JADE1: variants seen among roughly 807,000 people sequenced by gnomAD.
The protein encoded by JADE1 is jade family PHD finger 1.
Under a neutral mutation model 81.8 loss-of-function variants are expected in JADE1, and 14 were observed. The observed-to-expected ratio is 0.17, with a 90% CI of 0.11 to 0.27. JADE1 has a LOEUF of 0.27. Ranked by LOEUF, JADE1 falls within the 10% of genes least tolerant of loss-of-function variation. The pLI is 1.00. For missense variants in JADE1, 690 were observed against 1,047.9 expected, an observed-to-expected ratio of 0.66 and a Z score of 4.71; for synonymous variants, 353 against 391.9, an observed-to-expected ratio of 0.90 and a Z score of 1.17.
At chr4:128,842,352 T>C (rs1472213774) in intron 2 of JADE1, among the ~76,000 whole-genome samples, 1 of 151,500 alleles carries the variant, frequency 6.6e-6, no homozygotes, top group African/African-American at 2.4e-5. Context: ...CAGGCTGGAG[T>C]GCAGTGACGC....
chr4:128,857,215 G>C, intron 7 of JADE1, 123 bp from the exon 8 acceptor site: 1 of 753,814 alleles, frequency 1.3e-6, no homozygotes, highest in South Asian at 1.6e-5. Flanking sequence ...GCTTTGAGTG[G>C]GTGCCCCTTG....
rs770923152 is a variant in JADE1 at position 128,842,908 on chromosome 4, C to A, written c.53-45C>A. On this transcript the variant is annotated intron_variant, in intron 2 of 10. Coordinates refer to ENST00000226319, the MANE Select transcript of JADE1 (RefSeq NM_199320.4). ...AAAACCCCTGAGAACACTCAGTGAC[C>A]CCTGCAATTTCTAATGGTTCTTATT... 7.1e-6 allele frequency: 11 copies of A among 1,545,362 alleles called. No homozygotes were observed. The East Asian group carries it at 1.8e-4, about 25-fold the overall frequency.
intron 1 of JADE1, among the ~76,000 whole-genome samples, chr4:128,826,601 T>G (rs1469010505): frequency 6.6e-6 from 1 of 151,526 alleles, no homozygotes; most frequent in Non-Finnish European, 1.5e-5. Flanking sequence ...AACTCCAGGC[T>G]TCACATAGTG....
chr4:128,862,894 C>CTGTG (rs3069699), intron 9 of JADE1: 142,419 of 964,132 alleles, frequency 0.15, 4,171 homozygotes, highest in African/African-American at 0.28. Context: ...ATCACTGAGG[C>CTGTG]TGTGTGTGTG....
intron 8 of JADE1, among the ~76,000 whole-genome samples, chr4:128,857,746 C>G (rs1048474723): frequency 1.3e-5 from 2 of 152,202 alleles, no homozygotes; most frequent in African/African-American, 4.8e-5. Context: ...CAAAGTCTAG[C>G]ATCGCAACTT....
Position 128,853,623 on chromosome 4 carries a change from C to T in JADE1, c.696+1355C>T, listed in dbSNP as rs912223488. ...GGATTTGGGTGGGGACATGTGCCCA[C>T]GTATATTCTTAGGATTTAAAAGGCT... On this transcript the variant is annotated intron_variant, in intron 6 of 10. Transcript: ENST00000226319. Among the ~76,000 whole-genome samples the T allele has an allele frequency of 2.6e-5, 4 of 152,180 alleles. 1 individual carries two copies. The South Asian group carries it at 8.3e-4, about 32-fold the overall frequency.
At position 128,862,000 on chromosome 4, in the gene JADE1, G is replaced by A. The variant is rs1368178242; in HGVS notation, c.1278G>A (p.Glu426=). ...RKQKLQQLED[E]FYTFVNLLDV... ...AGAAGCTGCAGCAGTTGGAGGATGA[G>A]TTCTACACCTTCGTCAACCTGCTGG... Residue 426 remains glutamate (E), a synonymous_variant, in exon 9 of 11, where the codon GAG becomes GAA. Transcript: ENST00000226319. The A allele has an allele frequency of 6.2e-7, 1 of 1,614,060 alleles. No individual in the cohort carries two copies. The highest frequency in any genetic ancestry group is 2.2e-5 in the East Asian group (1 of 44,894).
chr4:128,820,118 C>CTTTTTTTTT (rs869238548), intron 1 of JADE1, among the ~76,000 whole-genome samples: 1 of 48,408 alleles, frequency 2.1e-5, no homozygotes, highest in Admixed American at 2.7e-4. Flanking sequence ...GGGAAGATTT[C>CTTTTTTTTT]TTTTTTTTTT....
At position 128,831,642 on chromosome 4, in the gene JADE1, G is replaced by C. The variant is rs1194903067; in HGVS notation, c.-26-91G>C. ...TACTTAAAGCCATTTGTTTGCTTTT[G>C]TTTGCTGTAAATCCTGGGCTGCCAT... On this transcript the variant is annotated intron_variant, in intron 1 of 10. Transcript: ENST00000226319. The C allele has an allele frequency of 3.7e-6, 4 of 1,084,398 alleles. No homozygotes were observed. The African/African-American group carries it at 6.3e-5, about 17-fold the overall frequency. The allele number at this position is 1,084,398 out of a possible 1,614,324, so 67.2% of individuals were successfully genotyped here. A position where few individuals can be genotyped will look rare whatever the true frequency, so the allele number is the denominator to read the frequency against.
chr4:128,845,205 C>T (rs1729765506), intron 3 of JADE1, among the ~76,000 whole-genome samples: 1 of 152,190 alleles, frequency 6.6e-6, no homozygotes, highest in Admixed American at 6.5e-5. Flanking sequence ...TTGTGCTCCA[C>T]CCCAGGGGCA....
chr4:128,867,801 C>A, intron 9 of JADE1, 55 bp from the exon 10 acceptor site: 1 of 1,152,748 alleles, frequency 8.7e-7, no homozygotes, highest in Admixed American at 1.9e-5. Context: ...TAAAAAGCAC[C>A]AAAGTACTGT....
chr4:128,850,965 CTG>C (rs1174282421), intron 5 of JADE1, among the ~76,000 whole-genome samples: 2 of 152,172 alleles, frequency 1.3e-5, no homozygotes, highest in Non-Finnish European at 2.9e-5. Flanking sequence ...AAGTCTCGCT[CTG>C]TGGCCCATGC....
chr4:128,815,119 G>GCCTCCCT (rs1437430840), intron 1 of JADE1, among the ~76,000 whole-genome samples: 9 of 147,894 alleles, frequency 6.1e-5, no homozygotes, highest in African/African-American at 1.6e-4. Flanking sequence ...GTGCGATCTC[G>GCCTCCCT]GCTCCCTGTA....
chr4:128,841,779 A>G (rs1301679852), intron 2 of JADE1, among the ~76,000 whole-genome samples: 1 of 152,184 alleles, frequency 6.6e-6, no homozygotes, highest in Admixed American at 6.5e-5. Context: ...GAGCAAGAAA[A>G]GAGCAAAGAG....
chr4:128,867,346 A>AG, intron 9 of JADE1, among the ~76,000 whole-genome samples: 1 of 152,358 alleles, frequency 6.6e-6, no homozygotes, highest in Middle Eastern at 3.4e-3. Context: ...GGCCTGGTGC[A>AG]GGGGGCTCCA....
At chr4:128,861,385 C>T (rs1222559009) in intron 8 of JADE1, among the ~76,000 whole-genome samples, 3 of 152,254 alleles carry the variant, frequency 2.0e-5, no homozygotes, top group Non-Finnish European at 4.4e-5. Context: ...CAAGACTTGG[C>T]TGGGCGCAGT....
chr4:128,870,011 C>T (rs1418749278), intron 10 of JADE1, among the ~76,000 whole-genome samples: 1 of 151,882 alleles, frequency 6.6e-6, no homozygotes, highest in African/African-American at 2.4e-5. Flanking sequence ...TGAGAGTGTC[C>T]TCAGTGGCAA....
intron 1 of JADE1, among the ~76,000 whole-genome samples, chr4:128,830,434 A>C (rs776222357): frequency 1.2e-4 from 18 of 150,736 alleles, no homozygotes; most frequent in Non-Finnish European, 2.4e-4. Flanking sequence ...GAGTTTCACC[A>C]TGTTGGCCAG....
rs1730721922 is a variant in JADE1 at position 128,855,542 on chromosome 4, T to C, written c.697-88T>C. ...TTGGTGGTAGTTCTGTTAAAATCTT[T>C]CTAAGTGTTTAAAATGAATAGATAT... On this transcript the variant is annotated intron_variant, in intron 6 of 10. Transcript: ENST00000226319. The C allele has an allele frequency of 4.6e-6, 6 of 1,310,536 alleles. No individual in the cohort carries two copies. In the Admixed American group the frequency reaches 1.4e-4, roughly 30 times the overall value. 81.2% of individuals were successfully genotyped at this position (1,310,536 alleles called of 1,614,324 possible).
Sources: gnomAD v4.1 joint callset for allele counts (sites outside exome capture counted in the v4.1 genomes callset) on GRCh38, gnomAD v4.1.1 for gene constraint, MANE v1.5 for transcripts, NCBI Gene and HGNC (gene_info 2026-07-23, HGNC 2026-07-21) for gene names.